Variants in ZC3H6 observed in about 807,000 individuals in gnomAD.
ZC3H6 encodes zinc finger CCCH-type containing 6.
A neutral mutation model predicts 107.7 loss-of-function variants in ZC3H6; 40 were observed. The observed-to-expected ratio is 0.37, with a 90% CI of 0.29 to 0.48. The LOEUF (loss-of-function observed/expected upper bound fraction) is 0.48, where lower values mean the gene tolerates loss of function less well. ZC3H6 is among the 20% of genes least tolerant of loss of function. ZC3H6 has a pLI of 0.98. For synonymous variants in ZC3H6, 493 were observed against 487.9 expected (o/e 1.01, Z -0.14); for missense variants, 1,267 against 1,410.4 (o/e 0.90, Z 1.63).
intron 1 of ZC3H6, among the ~76,000 whole-genome samples, chr2:112,281,178 G>C (rs1401996064): frequency 1.3e-5 from 2 of 152,162 alleles, no homozygotes; most frequent in Non-Finnish European, 2.9e-5. Flanking sequence ...GATGTGGGGA[G>C]GGTGTTTAGG....
chr2:112,296,295 G>C (rs1676230293), intron 1 of ZC3H6, among the ~76,000 whole-genome samples: 2 of 152,134 alleles, frequency 1.3e-5, no homozygotes, highest in East Asian at 3.9e-4. Flanking sequence ...ATACAGTACT[G>C]TCTTGTGTCT....
At position 112,310,012 on chromosome 2, in the gene ZC3H6, A is replaced by G; in HGVS notation, c.464A>G (p.Asn155Ser). Residue 155 changes from asparagine (N) to serine (S), a missense_variant, in exon 4 of 12, where the codon AAC (asparagine) becomes AGC (serine). By Grantham distance (46) the Asn-to-Ser change is conservative. This residue lies in a region of ZC3H6 where 337 missense variants were observed against 361.2 expected (regional missense o/e 0.93). Transcript: ENST00000409871. ...DDNFGNYSDD[N>S]FGNYGQETEE... ...AACTTCGGTAACTACAGTGATGACAACTTTGGTAACTACGGTCAGGAAACA... is the reference window on the plus strand; with the variant it reads ...AACTTCGGTAACTACAGTGATGACAGCTTTGGTAACTACGGTCAGGAAACA... 6.2e-7 allele frequency: 1 copy of G among 1,613,696 alleles called. No individual in the cohort carries two copies. The highest frequency in any genetic ancestry group is 1.1e-5 in the South Asian group (1 of 90,986).
chr2:112,324,737 A>C (rs992891167), intron 10 of ZC3H6, 74 bp downstream of exon 10: 29 of 1,382,424 alleles, frequency 2.1e-5, no homozygotes, highest in Middle Eastern at 1.9e-4. Flanking sequence ...AGCATGACAG[A>C]AACGTAAGTT....
rs752986351 is a variant in ZC3H6, at chr2:112,324,224, T to C, written c.1413T>C (p.His471=). ...AGGGAAGCAGTCCACACCCTCAACA[T>C]ATCTATAGTTCTGGGTCAAGTCCAG... ...QFQGSSPHPQ[H]IYSSGSSPGP... Residue 471 remains histidine (H), a synonymous_variant, in exon 10 of 12, where the codon CAT becomes CAC. Coordinates refer to ENST00000409871, the MANE Select transcript of ZC3H6 (RefSeq NM_198581.3). The C allele has an allele frequency of 1.2e-4, 189 of 1,610,710 alleles. No homozygotes were observed. The highest frequency in any genetic ancestry group is 1.6e-4 in the Non-Finnish European group (183 of 1,177,222).
Position 112,275,952 on chromosome 2 carries a change from C to T in ZC3H6, c.-43C>T. On this transcript the variant is annotated 5_prime_UTR_variant, in exon 1 of 12. Coordinates refer to ENST00000409871, the MANE Select transcript of ZC3H6 (RefSeq NM_198581.3). ...TTCCCCGCGCCCCGCCGCCGCCGGC[C>T]TCGCAGACCTGCCCTCCAGCCCCGC... is the stretch of plus-strand genomic sequence containing the variant. 5 of 1,508,460 alleles carry T rather than the reference C, an allele frequency of 3.3e-6. No individual in the cohort carries two copies. The highest frequency in any genetic ancestry group is 3.5e-6 in the Non-Finnish European group (4 of 1,128,824). The allele number at this position is 1,508,460 out of a possible 1,614,324, so 93.4% of individuals were successfully genotyped here. A position where few individuals can be genotyped will look rare whatever the true frequency, so the allele number is the denominator to read the frequency against.
intron 3 of ZC3H6, among the ~76,000 whole-genome samples, chr2:112,305,423 A>G (rs762577560): frequency 6.6e-6 from 1 of 152,208 alleles, no homozygotes; most frequent in Non-Finnish European, 1.5e-5. Context: ...TTGTATGTAT[A>G]AACAATAATG....
chr2:112,312,208 A>G (rs1277970432), intron 5 of ZC3H6: 5 of 287,636 alleles, frequency 1.7e-5, no homozygotes, highest in African/African-American at 6.6e-5. Flanking sequence ...TATATCCTCT[A>G]TTAGTCTTCT....
chr2:112,286,267 G>A (rs1291681325), intron 1 of ZC3H6: 4 of 335,878 alleles, frequency 1.2e-5, no homozygotes, highest in South Asian at 2.7e-5. Context: ...CAGGATTTTC[G>A]ATGAGCCCTC....
intron 1 of ZC3H6, among the ~76,000 whole-genome samples, chr2:112,294,470 G>T (rs558747114): frequency 1.6e-4 from 24 of 152,292 alleles, no homozygotes; most frequent in Admixed American, 1.4e-3. Context: ...TCTGAAGATT[G>T]TCTTTTTTTG....
chr2:112,283,650 T>C (rs1305143788), intron 1 of ZC3H6, among the ~76,000 whole-genome samples: 1 of 152,216 alleles, frequency 6.6e-6, no homozygotes, highest in African/African-American at 2.4e-5. Context: ...ATATTCATTT[T>C]ATAGTTTAGG....
Position 112,324,397 on chromosome 2 carries a change from A to G in ZC3H6, c.1586A>G (p.Gln529Arg), listed in dbSNP as rs1676863300. The part of the protein sequence containing the change: ...PPGPPEIVGP[Q>R]NQAGVLVQPD... Reference sequence around the variant, plus strand: ...GGTCCACCTGAAATTGTAGGTCCTCAAAATCAAGCTGGAGTGCTTGTTCAA... The same window carrying G: ...GGTCCACCTGAAATTGTAGGTCCTCGAAATCAAGCTGGAGTGCTTGTTCAA... Residue 529 changes from glutamine to arginine, a missense_variant, in exon 10 of 12, where the codon CAA becomes CGA. Gln to Arg is a conservative substitution (Grantham distance 43). This residue lies in a region of ZC3H6 where 925 missense variants were observed against 1,025.7 expected (regional missense o/e 0.90). Transcript: ENST00000409871. 1 of 1,614,026 alleles carries G rather than the reference A, an allele frequency of 6.2e-7. No individual in the cohort carries two copies. The highest frequency in any genetic ancestry group is 8.5e-7 in the Non-Finnish European group (1 of 1,179,894).
chr2:112,327,844 T>C (rs910668357), intron 11 of ZC3H6, among the ~76,000 whole-genome samples: 8 of 152,118 alleles, frequency 5.3e-5, no homozygotes, highest in Non-Finnish European at 1.2e-4. Context: ...CTTTCTGGGT[T>C]CTCTGTTCTG....
At chr2:112,289,962 C>T (rs568409306) in intron 1 of ZC3H6, among the ~76,000 whole-genome samples, 1 of 152,258 alleles carries the variant, frequency 6.6e-6, no homozygotes, top group Admixed American at 6.5e-5. Flanking sequence ...GCTGGTCTCA[C>T]ACTCCTGGGC....
intron 4 of ZC3H6, among the ~76,000 whole-genome samples, chr2:112,311,219 A>G (rs2104713227): frequency 6.6e-6 from 1 of 152,368 alleles, no homozygotes; most frequent in South Asian, 2.1e-4. Context: ...GCTTGAGCCC[A>G]GGACTTCAAG....
chr2:112,318,410 G>A (rs1296918851), intron 7 of ZC3H6, among the ~76,000 whole-genome samples: 8 of 152,148 alleles, frequency 5.3e-5, no homozygotes, highest in African/African-American at 9.7e-5. Context: ...TATCACTTAC[G>A]AAGAGGTCAT....
rs1306851023 is a variant in ZC3H6 at position 112,326,824 on chromosome 2, G to A, written c.2086+1627G>A. Among the ~76,000 whole-genome samples, 3 of 151,988 alleles carry A rather than the reference G, an allele frequency of 2.0e-5. No homozygotes were observed. In the East Asian group the frequency reaches 5.8e-4, roughly 29 times the overall value. On this transcript the variant is annotated intron_variant, in intron 11 of 11. Transcript: ENST00000409871. The stretch of plus-strand genomic sequence containing the variant: ...GATGGGGTTTCACTGTGTTGGCCAC[G>A]CTTGTCACGAACTCCTGACCTCAGG...
intron 3 of ZC3H6, among the ~76,000 whole-genome samples, chr2:112,305,504 T>C (rs1297780358): frequency 1.3e-5 from 2 of 152,208 alleles, no homozygotes; most frequent in African/African-American, 4.8e-5. Flanking sequence ...CGCTGACTAT[T>C]ATATATCCCT....
At position 112,299,885 on chromosome 2, in the gene ZC3H6, T is replaced by C. The variant is rs1391317558; in HGVS notation, c.69T>C (p.Asp23=). 2.0e-6 allele frequency: 3 copies of C among 1,486,708 alleles called. No homozygotes were observed. The South Asian group carries it at 4.2e-5, about 21-fold the overall frequency. 92.1% of individuals were successfully genotyped at this position (1,486,708 alleles called of 1,614,324 possible). ...DGELEDGEID[D]AGFEEIQEKE... Reference sequence around the variant, plus strand: ...AATTAGAAGATGGTGAAATAGACGATGCAGGATTTGAAGAAATACAAGAAA... The same window carrying C: ...AATTAGAAGATGGTGAAATAGACGACGCAGGATTTGAAGAAATACAAGAAA... The change falls in exon 2 of 12, where the codon GAT becomes GAC. Residue 23 remains aspartate, a synonymous_variant. Transcript: ENST00000409871.
intron 6 of ZC3H6, 133 bp from the exon 7 acceptor site, chr2:112,317,088 C>A: frequency 1.8e-6 from 1 of 566,508 alleles, no homozygotes; most frequent in Non-Finnish European, 3.1e-6. Flanking sequence ...ATTATTTGTT[C>A]ATTATTAAAG....
Sources: allele counts gnomAD v4.1 joint callset (sites outside exome capture counted in the v4.1 genomes callset), GRCh38; gene constraint gnomAD v4.1.1; regional missense constraint gnomAD v4.1.1; transcripts MANE v1.5; gene names NCBI Gene and HGNC (gene_info 2026-07-23, HGNC 2026-07-21).